The following FOXN3 variants were observed in gnomAD, a reference collection of about 807,000 sequenced individuals.
The protein encoded by FOXN3 is forkhead box protein N3.
FOXN3 carries 7 observed loss-of-function variants against 38.4 expected under a neutral mutation model. The ratio of observed to expected loss-of-function variants is 0.18; its 90% CI spans 0.10 to 0.34. The LOEUF is 0.34. FOXN3 is among the 10% of genes least tolerant of loss of function. The probability of loss-of-function intolerance (pLI) is 1.00; values close to 1 mark genes in which losing one functional copy is unlikely to be tolerated. For missense variants in FOXN3, 456 were observed against 613.4 expected, an observed-to-expected ratio of 0.74 and a Z score of 2.71; for synonymous variants, 230 against 242.2, an observed-to-expected ratio of 0.95 and a Z score of 0.47.
At chr14:89,436,201 C>T (rs777806216) in intron 1 of FOXN3, among the ~76,000 whole-genome samples, 9 of 149,204 alleles carry the variant, frequency 6.0e-5, no homozygotes, top group South Asian at 2.1e-4. Context: ...ACTGCCCTGA[C>T]TTATCATTAT....
At chr14:89,407,008 A>G (rs1891406103) in intron 2 of FOXN3, among the ~76,000 whole-genome samples, 1 of 152,076 alleles carries the variant, frequency 6.6e-6, no homozygotes, top group Admixed American at 6.5e-5. Context: ...GAAAAAAAAA[A>G]AAAAAAAACT....
At chr14:89,606,372 G>T (rs553082654) in intron 1 of FOXN3, among the ~76,000 whole-genome samples, 1 of 151,896 alleles carries the variant, frequency 6.6e-6, no homozygotes, top group Non-Finnish European at 1.5e-5. Context: ...CCAGATAATA[G>T]AAAAACTCTT....
chr14:89,175,591 G>A (rs1887500191), intron 5 of FOXN3, among the ~76,000 whole-genome samples: 1 of 152,182 alleles, frequency 6.6e-6, no homozygotes, highest in Non-Finnish European at 1.5e-5. Context: ...AATAACACAT[G>A]AGGCAGACAC....
intron 4 of FOXN3, among the ~76,000 whole-genome samples, chr14:89,205,605 T>C (rs1888361601): frequency 6.6e-6 from 1 of 152,202 alleles, no homozygotes; most frequent in African/African-American, 2.4e-5. Context: ...GGAATTTGGC[T>C]GGAGGTGGTT....
chr14:89,188,675 T>C (rs1012676944), intron 4 of FOXN3, among the ~76,000 whole-genome samples: 3 of 152,192 alleles, frequency 2.0e-5, no homozygotes, highest in Non-Finnish European at 4.4e-5. Flanking sequence ...CACTGTGTAG[T>C]GGCTGGGTGC....
At chr14:89,474,868 T>A (rs929347043) in intron 1 of FOXN3, among the ~76,000 whole-genome samples, 1 of 152,168 alleles carries the variant, frequency 6.6e-6, no homozygotes, top group Non-Finnish European at 1.5e-5. Flanking sequence ...CAGGCTGGAG[T>A]GCAGTGGCAC....
intron 1 of FOXN3, among the ~76,000 whole-genome samples, chr14:89,485,673 G>A (rs1893430894): frequency 1.3e-5 from 2 of 152,174 alleles, no homozygotes; most frequent in Admixed American, 6.5e-5. Context: ...GACAGTGCCA[G>A]CCAAAGCCCC....
chr14:89,570,378 T>C (rs1895467143), intron 1 of FOXN3, among the ~76,000 whole-genome samples: 1 of 152,124 alleles, frequency 6.6e-6, no homozygotes, highest in Non-Finnish European at 1.5e-5. Context: ...TAATTTGGCA[T>C]ATCAGTCTCA....
chr14:89,536,071 A>G (rs1555359219), intron 1 of FOXN3, among the ~76,000 whole-genome samples: 1 of 152,228 alleles, frequency 6.6e-6, no homozygotes, highest in Non-Finnish European at 1.5e-5. Context: ...TCTTTCCAAT[A>G]CATCAACACT....
In FOXN3 at chr14:89,156,188, T is replaced by C. The variant is rs1473287822; in HGVS notation, c.*6226A>G. 6 of 152,636 alleles carry C rather than the reference T, an allele frequency of 3.9e-5. No individual in the cohort carries two copies. The highest frequency in any genetic ancestry group is 1.3e-4 in the Admixed American group (2 of 15,278). The allele number at this position is 152,636 out of a possible 1,614,324, so 9.5% of individuals were successfully genotyped here. The stretch of plus-strand genomic sequence containing the variant: ...AACACTACGTGGTGTTTTTCTTCAA[T>C]TGATGCAACTCAGTAATTTTTATTG... On this transcript the variant is annotated 3_prime_UTR_variant, in exon 6 of 6. Coordinates refer to ENST00000557258, the MANE Select transcript of FOXN3 (RefSeq NM_005197.4).
At chr14:89,366,712 G>GGC (rs1890169669) in intron 2 of FOXN3, among the ~76,000 whole-genome samples, 1 of 152,156 alleles carries the variant, frequency 6.6e-6, no homozygotes, top group African/African-American at 2.4e-5. Context: ...GCTGCAACTG[G>GGC]GCGCGCACTC....
intron 1 of FOXN3, among the ~76,000 whole-genome samples, chr14:89,483,162 G>C (rs560257322): frequency 6.6e-6 from 1 of 152,066 alleles, no homozygotes; most frequent in Non-Finnish European, 1.5e-5. Context: ...ACCCAAGATC[G>C]CACCATTGCA....
intron 1 of FOXN3, among the ~76,000 whole-genome samples, chr14:89,530,559 T>C (rs1596308882): frequency 6.6e-6 from 1 of 152,292 alleles, no homozygotes; most frequent in East Asian, 1.9e-4. Context: ...AGCCAAACCG[T>C]ATCAGCGACC....
At position 89,426,215 on chromosome 14, in the gene FOXN3, A is replaced by ATTTTT. The variant is rs33964198; in HGVS notation, c.-14-13730_-14-13726dup. On this transcript the variant is annotated intron_variant, in intron 1 of 6. Coordinates refer to the FOXN3 transcript ENST00000345097. ...GACCACAAAAGCACCAGGAGTACTGATTTTTTTTTTTTTTTTTTTTTTTTT... is the reference window on the plus strand; with the variant it reads ...GACCACAAAAGCACCAGGAGTACTGATTTTTTTTTTTTTTTTTTTTTTTTTTTTTT... 6.8e-4 allele frequency among the ~76,000 whole-genome samples: 53 copies of ATTTTT among 77,560 alleles called. 2 individuals carry two copies. The highest frequency in any genetic ancestry group is 1.9e-3 in the African/African-American group (35 of 18,344). The allele number at this position is 77,560 out of a possible 152,430, so 50.9% of individuals were successfully genotyped here. A position where few individuals can be genotyped will look rare whatever the true frequency, so the allele number is the denominator to read the frequency against.
chr14:89,592,379 G>A (rs1895974753), intron 1 of FOXN3, among the ~76,000 whole-genome samples: 1 of 152,134 alleles, frequency 6.6e-6, no homozygotes, highest in South Asian at 2.1e-4. Flanking sequence ...AAGTCTTCCA[G>A]TTGAAAGATC....
At chr14:89,372,166 A>C (rs1014333440) in intron 2 of FOXN3, among the ~76,000 whole-genome samples, 2 of 152,160 alleles carry the variant, frequency 1.3e-5, no homozygotes, top group African/African-American at 4.8e-5. Flanking sequence ...ATTCCCCTGC[A>C]ATTTCCCCAA....
chr14:89,163,082 G>T lies in FOXN3; in HGVS notation c.852-113C>A. 1 of 1,009,138 alleles carries T rather than the reference G, an allele frequency of 9.9e-7. No individual in the cohort carries two copies. The highest frequency in any genetic ancestry group is 1.4e-6 in the Non-Finnish European group (1 of 728,350). The allele number at this position is 1,009,138 out of a possible 1,614,324, so 62.5% of individuals were successfully genotyped here. ...TGCATTCAACCATCAGTCCCTTTGTGTTCAATGGAGCCACTCGCAAACTGT... is the reference window on the plus strand; with the variant it reads ...TGCATTCAACCATCAGTCCCTTTGTTTTCAATGGAGCCACTCGCAAACTGT... On this transcript the variant is annotated intron_variant, in intron 5 of 5. Coordinates refer to ENST00000557258, the MANE Select transcript of FOXN3 (RefSeq NM_005197.4). The surrounding 1 kb of genome is among the most constrained non-coding windows in gnomAD (Gnocchi z 4.3).
intron 1 of FOXN3, among the ~76,000 whole-genome samples, chr14:89,571,962 T>C (rs1895506449): frequency 2.6e-5 from 4 of 152,222 alleles, no homozygotes; most frequent in African/African-American, 9.6e-5. Flanking sequence ...TTCATTTTTA[T>C]AGATGAAGAA....
intron 1 of FOXN3, among the ~76,000 whole-genome samples, chr14:89,462,513 T>C (rs1177092853): frequency 6.6e-6 from 1 of 152,142 alleles, no homozygotes; most frequent in Non-Finnish European, 1.5e-5. Flanking sequence ...AAGGAATTTA[T>C]TTCTTACTGT....
Sources: allele counts gnomAD v4.1 joint callset (sites outside exome capture counted in the v4.1 genomes callset), GRCh38; gene constraint gnomAD v4.1.1; non-coding constraint Gnocchi (gnomAD v3.1); transcripts MANE v1.5; gene names NCBI Gene and HGNC (gene_info 2026-07-23, HGNC 2026-07-21).